The following PACRG variants were observed in gnomAD, a reference collection of about 807,000 sequenced individuals.
PACRG encodes the protein parkin coregulated gene protein.
PACRG carries 29 observed loss-of-function variants against 29.7 expected under a neutral mutation model. The ratio of observed to expected loss-of-function variants is 0.98; its 90% CI spans 0.73 to 1.33. PACRG has a LOEUF of 1.33. Among genes scored for constraint, PACRG ranks in the 40% most tolerant of loss-of-function variants. The probability of loss-of-function intolerance (pLI) is 0.00; values close to 1 mark genes in which losing one functional copy is unlikely to be tolerated. For synonymous variants in PACRG, 116 were observed against 118.7 expected (o/e 0.98, Z 0.15); for missense variants, 279 against 316.2 (o/e 0.88, Z 0.89).
At chr6:163,089,130 A>G in intron 3 of PACRG, 129 bp from the exon 4 acceptor site, 1 of 848,372 alleles carries the variant, frequency 1.2e-6, no homozygotes, top group Non-Finnish European at 1.8e-6. Flanking sequence ...CTATAATAAT[A>G]AAGGCCCATT....
intron 1 of PACRG, among the ~76,000 whole-genome samples, chr6:162,733,625 T>G (rs905255033): frequency 6.6e-6 from 1 of 152,152 alleles, no homozygotes; most frequent in African/African-American, 2.4e-5. Flanking sequence ...CTAAGCTTCC[T>G]CTATTGGGAA....
At chr6:163,264,703 A>AG (rs958892021) in intron 4 of PACRG, among the ~76,000 whole-genome samples, 1 of 152,166 alleles carries the variant, frequency 6.6e-6, no homozygotes, top group African/African-American at 2.4e-5. Flanking sequence ...GTTGGAAAAT[A>AG]GGGGGTGAAA....
intron 4 of PACRG, among the ~76,000 whole-genome samples, chr6:163,244,129 C>A (rs1311382394): frequency 3.9e-5 from 6 of 152,218 alleles, no homozygotes; most frequent in Non-Finnish European, 8.8e-5. Flanking sequence ...GTATTTCAAA[C>A]AAAACTGAGT....
At chr6:163,004,297 G>T (rs942634) in intron 2 of PACRG, among the ~76,000 whole-genome samples, 50,820 of 150,658 alleles carry the variant, frequency 0.34, 9,739 homozygotes, top group East Asian at 0.68. Flanking sequence ...CTATAATATT[G>T]TATTAGTTTG....
At chr6:163,091,888 A>G (rs1814140302) in intron 4 of PACRG, among the ~76,000 whole-genome samples, 1 of 152,254 alleles carries the variant, frequency 6.6e-6, no homozygotes, top group Non-Finnish European at 1.5e-5. Context: ...AGTAACAGAT[A>G]TAATTATTTA....
chr6:163,254,542 T>G (rs530431434), intron 4 of PACRG, among the ~76,000 whole-genome samples: 1 of 152,334 alleles, frequency 6.6e-6, no homozygotes, highest in East Asian at 1.9e-4. Context: ...GTTCTTCAGC[T>G]CGCGAGTGGG....
At chr6:162,754,586 G>T (rs1584247892) in intron 1 of PACRG, among the ~76,000 whole-genome samples, 1 of 151,418 alleles carries the variant, frequency 6.6e-6, no homozygotes, top group Non-Finnish European at 1.5e-5. Context: ...TCTTCTAGTT[G>T]TCTTACCCTT....
At chr6:163,256,020 C>T (rs540637628) in intron 4 of PACRG, among the ~76,000 whole-genome samples, 1 of 152,320 alleles carries the variant, frequency 6.6e-6, no homozygotes, top group Non-Finnish European at 1.5e-5. Context: ...TTATAACTTC[C>T]CCAACTGCTT....
In PACRG at chr6:162,957,039, TA is replaced by T. The variant is rs1173815340; in HGVS notation, c.292-105099del. 9.2e-3 allele frequency among the ~76,000 whole-genome samples: 1,325 copies of T among 144,586 alleles called. 13 individuals carry two copies. The highest frequency in any genetic ancestry group is 0.029 in the African/African-American group (1,150 of 39,678). The allele number at this position is 144,586 out of a possible 152,430, so 94.9% of individuals were successfully genotyped here. A position where few individuals can be genotyped will look rare whatever the true frequency, so the allele number is the denominator to read the frequency against. On this transcript the variant is annotated intron_variant, in intron 2 of 4. Transcript: ENST00000366888. ...CTTACCTTTTTGTCAGTAAAGCGTT[TA>T]AAAAAAAAAAACCAAGCAAACATAA...
At chr6:162,736,357 A>G (rs935181505) in intron 1 of PACRG, among the ~76,000 whole-genome samples, 3 of 152,208 alleles carry the variant, frequency 2.0e-5, no homozygotes, top group Admixed American at 6.5e-5. Flanking sequence ...TGATCTGGAA[A>G]TGGAATTTAC....
intron 2 of PACRG, among the ~76,000 whole-genome samples, chr6:162,988,211 A>G (rs959133874): frequency 2.6e-5 from 4 of 152,192 alleles, no homozygotes; most frequent in African/African-American, 7.2e-5. Flanking sequence ...TCTATCTGCC[A>G]TCTTCCTCTC....
intron 2 of PACRG, among the ~76,000 whole-genome samples, chr6:163,047,964 A>G (rs1271495580): frequency 1.3e-5 from 2 of 152,156 alleles, no homozygotes; most frequent in South Asian, 2.1e-4. Flanking sequence ...ATCTCTTGCT[A>G]TTGTGAACTT....
At chr6:162,891,081 A>C (rs2128039429) in intron 2 of PACRG, among the ~76,000 whole-genome samples, 1 of 152,276 alleles carries the variant, frequency 6.6e-6, no homozygotes, top group South Asian at 2.1e-4. Flanking sequence ...ATTTGGGGTG[A>C]GCCAGCTTAG....
At chr6:163,153,891 T>C (rs1478041923) in intron 4 of PACRG, among the ~76,000 whole-genome samples, 2 of 152,134 alleles carry the variant, frequency 1.3e-5, no homozygotes, top group African/African-American at 4.8e-5. Flanking sequence ...CCTGCTGCAA[T>C]GTAAGGCTCT....
chr6:163,179,461 A>G, intron 4 of PACRG: 1 of 286,130 alleles, frequency 3.5e-6, no homozygotes, highest in African/African-American at 2.2e-5. Context: ...ACACTTTGGG[A>G]GGCTGATGAA....
intron 1 of PACRG, among the ~76,000 whole-genome samples, chr6:162,781,565 G>A (rs1314349443): frequency 6.6e-6 from 1 of 151,630 alleles, no homozygotes; most frequent in East Asian, 1.9e-4. Context: ...AAATTACAAT[G>A]TAATAAGGTT....
chr6:163,104,158 A>C (rs551981868), intron 4 of PACRG, among the ~76,000 whole-genome samples: 52 of 152,348 alleles, frequency 3.4e-4, no homozygotes, highest in Non-Finnish European at 6.8e-4. Flanking sequence ...AAATGTTTTC[A>C]TATCATCAAT....
intron 2 of PACRG, among the ~76,000 whole-genome samples, chr6:162,882,831 G>C (rs115162994): frequency 3.3e-5 from 5 of 152,118 alleles, no homozygotes; most frequent in Non-Finnish European, 7.4e-5. Flanking sequence ...GTGCTCACTC[G>C]CGTCTTCCCC....
chr6:163,092,056 T>C (rs1814157667), intron 4 of PACRG, among the ~76,000 whole-genome samples: 1 of 152,184 alleles, frequency 6.6e-6, no homozygotes, highest in South Asian at 2.1e-4. Context: ...GATTCAAAAA[T>C]ATTTCTTTCA....
Sources: allele counts gnomAD v4.1 joint callset (sites outside exome capture counted in the v4.1 genomes callset), GRCh38; gene constraint gnomAD v4.1.1; transcripts MANE v1.5; gene names NCBI Gene and HGNC (gene_info 2026-07-23, HGNC 2026-07-21).